Variants in ADCK1 observed in about 807,000 individuals in gnomAD.
The protein encoded by ADCK1 is aarF domain-containing protein kinase 1.
Under a neutral mutation model 52.3 loss-of-function variants are expected in ADCK1, and 41 were observed. The ratio of observed to expected loss-of-function variants is 0.78; its 90% CI spans 0.61 to 1.02. The LOEUF is 1.02. Among genes scored for constraint, ADCK1 ranks in the 50% least tolerant of loss-of-function variants. The pLI is 0.00. For synonymous variants in ADCK1, 250 were observed against 274.6 expected, an observed-to-expected ratio of 0.91 and a Z score of 0.89; for missense variants, 658 against 679.5, an observed-to-expected ratio of 0.97 and a Z score of 0.35.
intron 9 of ADCK1, among the ~76,000 whole-genome samples, chr14:77,929,798 C>A (rs1164992146): frequency 6.6e-6 from 1 of 152,166 alleles, no homozygotes; most frequent in Non-Finnish European, 1.5e-5. Context: ...TCCTGAGTAG[C>A]TGGGACTACA....
rs998235311 is a variant in ADCK1 at position 77,899,395 on chromosome 14, A to T, written c.741+137A>T. On this transcript the variant is annotated intron_variant, in intron 6 of 10. Coordinates refer to ENST00000238561, the MANE Select transcript of ADCK1 (RefSeq NM_020421.4). ...TGAGTCCTCTTACTGAGGATGAATG[A>T]CATCACTGGTGATGTGCATTAAATC... 6 of 1,180,256 alleles carry T rather than the reference A, an allele frequency of 5.1e-6. No individual in the cohort carries two copies. In the African/African-American group the frequency reaches 9.1e-5, roughly 18 times the overall value. 73.1% of individuals were successfully genotyped at this position (1,180,256 alleles called of 1,614,324 possible).
At chr14:77,907,448 A>C (rs1355951428) in intron 6 of ADCK1, among the ~76,000 whole-genome samples, 1 of 152,346 alleles carries the variant, frequency 6.6e-6, no homozygotes, top group African/African-American at 2.4e-5. Context: ...TGGTGGCGGG[A>C]TGGGGAGAGG....
At chr14:77,904,951 C>G (rs2083625591) in intron 6 of ADCK1, among the ~76,000 whole-genome samples, 1 of 152,160 alleles carries the variant, frequency 6.6e-6, no homozygotes, top group South Asian at 2.1e-4. Context: ...TCACTTCACC[C>G]CACACCCCCA....
In ADCK1 at chr14:77,934,424, C is replaced by G. The variant is rs1237801671; in HGVS notation, c.*1033C>G. 1 of 152,058 alleles carries G rather than the reference C, an allele frequency of 6.6e-6. No homozygotes were observed. The highest frequency in any genetic ancestry group is 2.1e-4 in the South Asian group (1 of 4,814). 9.4% of individuals were successfully genotyped at this position (152,058 alleles called of 1,614,324 possible). A position where few individuals can be genotyped will look rare whatever the true frequency, so the allele number is the denominator to read the frequency against. On this transcript the variant is annotated 3_prime_UTR_variant, in exon 11 of 11. Coordinates refer to ENST00000238561, the MANE Select transcript of ADCK1 (RefSeq NM_020421.4). ...TTGTTCTACTGTTTCCTGACTTATC[C>G]CTTTGGTTCTCATTCAGTGGCCCCA...
chr14:77,899,027 C>T, intron 5 of ADCK1, 73 bp from the exon 6 acceptor site: 1 of 1,585,666 alleles, frequency 6.3e-7, no homozygotes, highest in Non-Finnish European at 8.6e-7. Context: ...AGGGGAGAAC[C>T]AGGCAGGAAG....
At position 77,899,000 on chromosome 14, in the gene ADCK1, G is replaced by A. The variant is rs2083471179; in HGVS notation, c.583-100G>A. On this transcript the variant is annotated intron_variant, in intron 5 of 10. Transcript: ENST00000238561. Reference sequence around the variant, plus strand: ...CAGAGGAGGGATGGGCCCCAGGGGAGCAGTTTCCCTTACTCTAGGGGAGAA... The same window carrying A: ...CAGAGGAGGGATGGGCCCCAGGGGAACAGTTTCCCTTACTCTAGGGGAGAA... The A allele has an allele frequency of 3.3e-6, 5 of 1,493,740 alleles. No homozygotes were observed. In the South Asian group the frequency reaches 5.0e-5, roughly 15 times the overall value. The allele number at this position is 1,493,740 out of a possible 1,614,324, so 92.5% of individuals were successfully genotyped here.
In ADCK1 at chr14:77,933,221, C is replaced by T. The variant is rs1414660713; in HGVS notation, c.1402C>T (p.His468Tyr). ...CCTTTTTTCTTTCCCTTTTTCCAGG[C>T]ACAAGAAGAAGAATACCTGTTCATT... ...SRCCIRALAEHKKKNTCSFFR... is the reference protein window; with the variant it reads ...SRCCIRALAEYKKKNTCSFFR... The change falls in exon 11 of 11, where the codon CAC (histidine) becomes TAC (tyrosine). Residue 468 changes from histidine to tyrosine, a missense_variant and splice_region_variant. Transcript: ENST00000238561. The T allele has an allele frequency of 1.2e-6, 2 of 1,611,498 alleles. No homozygotes were observed. Among genetic ancestry groups the T allele is most frequent in the Non-Finnish European group, 8.5e-7 (1 of 1,178,270 alleles).
chr14:77,875,666 G>A (rs1351724515), intron 4 of ADCK1, among the ~76,000 whole-genome samples: 5 of 152,166 alleles, frequency 3.3e-5, no homozygotes, highest in Admixed American at 3.3e-4. Flanking sequence ...CCACTGCTGT[G>A]TGTGAACTAT....
chr14:77,911,747 T>A (rs1192089913), intron 7 of ADCK1, among the ~76,000 whole-genome samples: 2 of 150,180 alleles, frequency 1.3e-5, no homozygotes, highest in African/African-American at 2.4e-5. Context: ...TTTTTTTTTT[T>A]AAACCATTAA....
At chr14:77,918,320 T>C (rs1381163605) in intron 7 of ADCK1, among the ~76,000 whole-genome samples, 1 of 152,226 alleles carries the variant, frequency 6.6e-6, no homozygotes, top group African/African-American at 2.4e-5. Flanking sequence ...TTTCACTTAG[T>C]ACCCTGTCCT....
chr14:77,818,771 T>C (rs1286837451), intron 1 of ADCK1, among the ~76,000 whole-genome samples, 197 bp from the exon 2 acceptor site: 1 of 152,228 alleles, frequency 6.6e-6, no homozygotes, highest in Non-Finnish European at 1.5e-5. Context: ...AAGGATTTTA[T>C]GTACATTATT....
chr14:77,931,541 G>T lies in ADCK1; in HGVS notation c.1230G>T (p.Ala410=), dbSNP rs1429776380. The T allele has an allele frequency of 6.2e-7, 1 of 1,613,596 alleles. No individual in the cohort carries two copies. The highest frequency in any genetic ancestry group is 1.3e-5 in the African/African-American group (1 of 74,928). The change falls in exon 10 of 11, where the codon GCG becomes GCT. Residue 410 remains alanine, a synonymous_variant. Transcript: ENST00000238561. ...AGGACTTAGAGATTCGCAACAACGC[G>T]GCCAACTACCTCCCCCAGATCAGCC... ...ATEDLEIRNN[A]ANYLPQISHL...
chr14:77,855,153 ATCATGCCG>A (rs2082392283), intron 3 of ADCK1, among the ~76,000 whole-genome samples: 1 of 152,212 alleles, frequency 6.6e-6, no homozygotes, highest in African/African-American at 2.4e-5. Flanking sequence ...ATGGCATGCC[ATCATGCCG>A]TCTATTTCTA....
Position 77,838,281 on chromosome 14 carries a change from G to A in ADCK1, c.219+15763G>A, listed in dbSNP as rs544542931. On this transcript the variant is annotated intron_variant, in intron 3 of 10. Transcript: ENST00000238561. ...CTTCACTTAAATATACAAATAAACT[G>A]TTGACTGATAACAGCAAGACATATG... 5.3e-5 allele frequency among the ~76,000 whole-genome samples: 8 copies of A among 152,258 alleles called. No homozygotes were observed. The South Asian group carries it at 1.5e-3, about 28-fold the overall frequency.
intron 5 of ADCK1, among the ~76,000 whole-genome samples, chr14:77,889,245 A>G (rs1488094271): frequency 6.6e-6 from 1 of 152,258 alleles, no homozygotes; most frequent in Non-Finnish European, 1.5e-5. Flanking sequence ...AGACTAATAC[A>G]CATACATACC....
At position 77,925,938 on chromosome 14, in the gene ADCK1, C is replaced by CA. The variant is rs749302447; in HGVS notation, c.1185dup (p.Ala396SerfsTer7). 1.2e-6 allele frequency: 2 copies of CA among 1,614,162 alleles called. No homozygotes were observed. Among genetic ancestry groups the CA allele is most frequent in the Admixed American group, 1.7e-5 (1 of 60,024 alleles). ...GGACTCGGTCAACAGAGGCATCAGC[C>CA]AAGCTCCCGTCACTGCCACTGAGGT... On this transcript the variant is annotated frameshift_variant, in exon 9 of 11. Coordinates refer to ENST00000238561, the MANE Select transcript of ADCK1 (RefSeq NM_020421.4). LOFTEE classifies it high-confidence loss of function.
Position 77,808,823 on chromosome 14 carries a change from G to A in ADCK1, c.-12+8653G>A, listed in dbSNP as rs113211981. Among the ~76,000 whole-genome samples, 1,517 of 152,260 alleles carry A rather than the reference G, an allele frequency of 1.0e-2. 9 individuals carry two copies. The highest frequency in any genetic ancestry group is 0.041 in the Middle Eastern group (12 of 294). ...ACTCCTGACCTCAGGTGATCCACCC[G>A]CCTTGGCCTCCCAAAGTGTTGGGAT... On this transcript the variant is annotated intron_variant, in intron 1 of 10. Transcript: ENST00000238561.
chr14:77,914,101 C>A (rs2083861457), intron 7 of ADCK1, among the ~76,000 whole-genome samples: 1 of 152,076 alleles, frequency 6.6e-6, no homozygotes, highest in African/African-American at 2.4e-5. Flanking sequence ...TGCTGGAGTC[C>A]CTCAGTTTCT....
At chr14:77,834,572 C>G (rs940529043) in intron 3 of ADCK1, among the ~76,000 whole-genome samples, 2 of 152,230 alleles carry the variant, frequency 1.3e-5, no homozygotes, top group African/African-American at 4.8e-5. Flanking sequence ...AAGCAGTGAT[C>G]TTTTCCAAAG....
Sources: gnomAD v4.1 joint callset for allele counts (sites outside exome capture counted in the v4.1 genomes callset) on GRCh38, gnomAD v4.1.1 for gene constraint, MANE v1.5 for transcripts, NCBI Gene and HGNC (gene_info 2026-07-23, HGNC 2026-07-21) for gene names.